The following PTPRB variants were observed in gnomAD, a reference collection of about 807,000 sequenced individuals.
PTPRB encodes the protein receptor-type tyrosine-protein phosphatase beta.
In PTPRB, 97 loss-of-function variants were observed where a neutral mutation model predicts 238.1. The observed-to-expected ratio is 0.41, with a 90% CI of 0.35 to 0.48. The LOEUF is 0.48. Ranked by LOEUF, PTPRB falls within the 20% of genes least tolerant of loss-of-function variation. PTPRB has a pLI of 0.30. For missense variants in PTPRB, 2,292 were observed against 2,681.9 expected (o/e 0.85, Z 3.21); for synonymous variants, 970 against 995.4 (o/e 0.97, Z 0.48).
Position 70,567,545 on chromosome 12 carries a change from A to G in PTPRB, c.3635-841T>C, listed in dbSNP as rs73140152. 2.3e-3 allele frequency among the ~76,000 whole-genome samples: 348 copies of G among 152,310 alleles called. 2 individuals are homozygous for G. Among genetic ancestry groups the G allele is most frequent in the Middle Eastern group, 3.4e-3 (1 of 294 alleles). On this transcript the variant is annotated intron_variant, in intron 14 of 33. Coordinates refer to ENST00000334414, the MANE Select transcript of PTPRB (RefSeq NM_001109754.4). ...TTTATTTCTGTATCCTAAATCTTCT[A>G]TCTCTTGAATCTAGCCACTCCCTCT...
At chr12:70,587,426 CT>C (rs1368780397) in intron 8 of PTPRB, among the ~76,000 whole-genome samples, 159 bp from the exon 9 acceptor site, 1 of 152,170 alleles carries the variant, frequency 6.6e-6, no homozygotes, top group Non-Finnish European at 1.5e-5. Context: ...TCACAAAAAA[CT>C]TTGTTCATGT....
chr12:70,531,776 G>A (rs1434210794), intron 32 of PTPRB, among the ~76,000 whole-genome samples: 1 of 151,024 alleles, frequency 6.6e-6, no homozygotes, highest in Non-Finnish European at 1.5e-5. Flanking sequence ...AAGAGATTGG[G>A]ATCTTCTTCT....
intron 21 of PTPRB, among the ~76,000 whole-genome samples, chr12:70,548,346 T>A (rs12227769): frequency 2.7e-3 from 258 of 97,158 alleles, no homozygotes; most frequent in African/African-American, 7.6e-3. Context: ...TCTCTCTCTC[T>A]CACACACACA....
At chr12:70,594,308 A>T (rs1307628427) in intron 6 of PTPRB, among the ~76,000 whole-genome samples, 159 bp downstream of exon 6, 1 of 152,250 alleles carries the variant, frequency 6.6e-6, no homozygotes, top group Non-Finnish European at 1.5e-5. Context: ...ATAAAAGAGA[A>T]TCCTTCTTTT....
intron 13 of PTPRB, 22 bp downstream of exon 13, chr12:70,571,004 C>G: frequency 6.2e-7 from 1 of 1,611,444 alleles, no homozygotes; most frequent in Non-Finnish European, 8.5e-7. Flanking sequence ...TATTCAGGTT[C>G]AAGAACAGTA....
At chr12:70,609,724 G>C (rs1349329455) in intron 3 of PTPRB, 10 of 1,528,848 alleles carry the variant, frequency 6.5e-6, no homozygotes, top group Middle Eastern at 1.7e-4. Flanking sequence ...GGCGGGGAGG[G>C]GGCGCATCAG....
intron 5 of PTPRB, 47 bp from the exon 6 acceptor site, chr12:70,594,771 T>TA: frequency 6.3e-7 from 1 of 1,593,038 alleles, no homozygotes; most frequent in Non-Finnish European, 8.6e-7. Context: ...AATTCCCTTA[T>TA]AGGAGACATA....
chr12:70,576,257 T>G, intron 11 of PTPRB, 125 bp downstream of exon 11: 2 of 1,071,704 alleles, frequency 1.9e-6, no homozygotes, highest in Non-Finnish European at 2.6e-6. Flanking sequence ...TACGAAGACT[T>G]CATAACAGTT....
intron 18 of PTPRB, chr12:70,558,669 CT>C (rs1878054390): frequency 1.9e-5 from 3 of 153,870 alleles, no homozygotes; most frequent in African/African-American, 7.2e-5. Flanking sequence ...CTAGTTTTGC[CT>C]CTTTCAATCT....
intron 33 of PTPRB, among the ~76,000 whole-genome samples, chr12:70,522,955 C>T (rs544372645): frequency 3.4e-5 from 5 of 147,534 alleles, no homozygotes; most frequent in East Asian, 2.0e-4. Context: ...CTTCGCCTCT[C>T]GGGTTCAAGC....
chr12:70,615,544 G>T (rs986547272), intron 3 of PTPRB, among the ~76,000 whole-genome samples: 1 of 152,074 alleles, frequency 6.6e-6, no homozygotes, highest in South Asian at 2.1e-4. Context: ...CATAGCTTTT[G>T]TTATAGCTCT....
chr12:70,594,319 T>C, intron 6 of PTPRB, 148 bp downstream of exon 6: 1 of 1,144,548 alleles, frequency 8.7e-7, no homozygotes, highest in Non-Finnish European at 1.2e-6. Flanking sequence ...TCCTTCTTTT[T>C]CTGAGTAGAA....
intron 19 of PTPRB, among the ~76,000 whole-genome samples, chr12:70,555,573 T>A (rs1394729481): frequency 6.6e-6 from 1 of 152,158 alleles, no homozygotes; most frequent in East Asian, 1.9e-4. Context: ...TAGCTTCAAA[T>A]TGCTTAAGAG....
At chr12:70,575,239 C>T (rs1400422009) in intron 11 of PTPRB, among the ~76,000 whole-genome samples, 1 of 152,170 alleles carries the variant, frequency 6.6e-6, no homozygotes, top group Non-Finnish European at 1.5e-5. Flanking sequence ...AGCCACACTC[C>T]TTCTCTGGGA....
chr12:70,603,761 A>T (rs935970383), intron 4 of PTPRB, among the ~76,000 whole-genome samples: 1 of 152,172 alleles, frequency 6.6e-6, no homozygotes, highest in Admixed American at 6.5e-5. Context: ...TACTATCCCC[A>T]TTTTGTAGGT....
chr12:70,598,299 A>G (rs979064707), intron 4 of PTPRB, among the ~76,000 whole-genome samples: 1 of 152,254 alleles, frequency 6.6e-6, no homozygotes, highest in Non-Finnish European at 1.5e-5. Context: ...TACATTGAAT[A>G]TTATATAAAA....
In PTPRB at chr12:70,563,076, T is replaced by G; in HGVS notation, c.3936A>C (p.Thr1312=). ...AGGACAGGTGCCTGGTGGAGTTCTC[T>G]GTGATCCTCAGGTCGGTGACAGCTG... is the stretch of plus-strand genomic sequence containing the variant. The part of the protein sequence containing the change: ...VPAAVTDLRI[T]ENSTRHLSFR... The change falls in exon 16 of 34, where the codon ACA becomes ACC. Residue 1312 remains threonine (T), a synonymous_variant. Transcript: ENST00000334414. 6.2e-7 allele frequency: 1 copy of G among 1,613,484 alleles called. No individual in the cohort carries two copies. Among genetic ancestry groups the G allele is most frequent in the Non-Finnish European group, 8.5e-7 (1 of 1,179,644 alleles).
At chr12:70,544,787 G>T in intron 21 of PTPRB, 124 bp from the exon 22 acceptor site, 1 of 569,268 alleles carries the variant, frequency 1.8e-6, no homozygotes, top group Non-Finnish European at 3.0e-6. Flanking sequence ...TATGAGTTAT[G>T]GAATCGGATA....
chr12:70,522,863 C>CTTT (rs35913444), intron 33 of PTPRB, among the ~76,000 whole-genome samples: 13,319 of 118,140 alleles, frequency 0.11, 2,276 homozygotes, highest in African/African-American at 0.34. Context: ...TTTGTTTTTT[C>CTTT]TTTTTTTTTT....
Sources: allele counts gnomAD v4.1 joint callset (sites outside exome capture counted in the v4.1 genomes callset), GRCh38; gene constraint gnomAD v4.1.1; transcripts MANE v1.5; gene names NCBI Gene and HGNC (gene_info 2026-07-23, HGNC 2026-07-21).